BICRA: variants seen among roughly 807,000 people sequenced by gnomAD.
The protein encoded by BICRA is BRD4 interacting chromatin remodeling complex associated protein.
In BICRA, 31 loss-of-function variants were observed where a neutral mutation model predicts 96.9. The observed-to-expected ratio is 0.32, with a 90% CI of 0.24 to 0.43. The LOEUF is 0.43. Ranked by LOEUF, BICRA falls within the 20% of genes least tolerant of loss-of-function variation. BICRA has a pLI of 1.00. For synonymous variants in BICRA, 1,350 were observed against 1,071.8 expected (o/e 1.26, Z -5.07); for missense variants, 2,283 against 2,190.3 (o/e 1.04, Z -0.84).
intron 7 of BICRA, among the ~76,000 whole-genome samples, chr19:47,689,535 CG>C (rs1472337919): frequency 1.3e-5 from 2 of 152,120 alleles, no homozygotes; most frequent in Non-Finnish European, 2.9e-5. Flanking sequence ...CCTCAGCCTC[CG>C]GAGTAGCTGG....
Position 47,665,805 on chromosome 19 carries a change from G to A in BICRA, c.-107-4638G>A, listed in dbSNP as rs116823827. Among the ~76,000 whole-genome samples, 961 of 152,320 alleles carry A rather than the reference G, an allele frequency of 6.3e-3. 6 individuals are homozygous for A. The highest frequency in any genetic ancestry group is 0.022 in the African/African-American group (897 of 41,564). On this transcript the variant is annotated intron_variant, in intron 1 of 14. Transcript: ENST00000594866. ...TTGCGTTTATCTCATCTGGAAAATG[G>A]GGGTAATACCAGGGTGTTTGGAAGG...
At chr19:47,655,677 A>G (rs1972605581) in intron 1 of BICRA, among the ~76,000 whole-genome samples, 1 of 150,258 alleles carries the variant, frequency 6.7e-6, no homozygotes, top group Non-Finnish European at 1.5e-5. Context: ...ACACGGTGAA[A>G]CCCCATCTCT....
At position 47,698,108 on chromosome 19, in the gene BICRA, C is replaced by T. The variant is rs1485941056; in HGVS notation, c.3249-526C>T. Among the ~76,000 whole-genome samples the T allele has an allele frequency of 6.6e-6, 1 of 152,230 alleles. No individual in the cohort carries two copies. The highest frequency in any genetic ancestry group is 1.5e-5 in the Non-Finnish European group (1 of 68,046). On this transcript the variant is annotated intron_variant, in intron 11 of 14. Transcript: ENST00000594866. The surrounding 1 kb of genome is among the most constrained non-coding windows in gnomAD (Gnocchi z 4.8). ...TCCCTGCCCCCACAGTGCAGAGAGG[C>T]TGCTGGTTTTTAGCCGAGGGTGGAG...
chr19:47,647,517 G>A (rs577162850), intron 1 of BICRA, among the ~76,000 whole-genome samples: 7 of 152,070 alleles, frequency 4.6e-5, no homozygotes, highest in South Asian at 4.2e-4. Flanking sequence ...TGTGTTTTGC[G>A]GTCCACCTCT....
At position 47,696,789 on chromosome 19, in the gene BICRA, T is replaced by C. The variant is rs1165832246; in HGVS notation, c.3248+277T>C. Among the ~76,000 whole-genome samples the C allele has an allele frequency of 5.3e-5, 8 of 151,954 alleles. No individual in the cohort carries two copies. In the South Asian group the frequency reaches 8.3e-4, roughly 16 times the overall value. On this transcript the variant is annotated intron_variant, in intron 11 of 14. Transcript: ENST00000594866. ...ATCCTGGTTGTTGCTGTGCCCTCCA[T>C]GTCTCCCACACGGCTGGGCCGCGTC... is the stretch of plus-strand genomic sequence containing the variant.
chr19:47,676,284 C>T (rs1290749925), intron 5 of BICRA, among the ~76,000 whole-genome samples: 1 of 151,984 alleles, frequency 6.6e-6, no homozygotes, highest in East Asian at 1.9e-4. Context: ...CTGGGGGAGG[C>T]CTGGGGTCCT....
In BICRA at chr19:47,695,153, A is replaced by G. The variant is rs1010545515; in HGVS notation, c.3076+73A>G. ...GGGTGGGCGGGGCTGAGCAGGGAGA[A>G]TGGGCTGGGGCAGGGCTGTGGGACT... On this transcript the variant is annotated intron_variant, in intron 9 of 14. Transcript: ENST00000594866. 5.9e-6 allele frequency: 6 copies of G among 1,019,936 alleles called. No homozygotes were observed. The East Asian group carries it at 1.3e-4, about 22-fold the overall frequency. The allele number at this position is 1,019,936 out of a possible 1,614,324, so 63.2% of individuals were successfully genotyped here.
chr19:47,644,239 A>G (rs1295186562), intron 1 of BICRA, among the ~76,000 whole-genome samples: 2 of 151,892 alleles, frequency 1.3e-5, no homozygotes, highest in South Asian at 2.1e-4. Flanking sequence ...GTTGGTCTCA[A>G]ACTCTTAGCC....
intron 1 of BICRA, among the ~76,000 whole-genome samples, chr19:47,635,241 T>C (rs1300372839): frequency 6.7e-6 from 1 of 149,448 alleles, no homozygotes; most frequent in East Asian, 2.0e-4. Context: ...CTACTGTCCA[T>C]TTCTAGGATT....
At chr19:47,697,322 G>T (rs1220721887) in intron 11 of BICRA, among the ~76,000 whole-genome samples, 1 of 151,562 alleles carries the variant, frequency 6.6e-6, no homozygotes, top group African/African-American at 2.4e-5. Flanking sequence ...AAGTCCGGGG[G>T]GCAGAGGTTG....
Position 47,682,136 on chromosome 19 carries a change from C to A in BICRA, c.2267C>A (p.Pro756Gln). 2 of 1,473,612 alleles carry A rather than the reference C, an allele frequency of 1.4e-6. No homozygotes were observed. Among genetic ancestry groups the A allele is most frequent in the Non-Finnish European group, 9.2e-7 (1 of 1,086,514 alleles). 91.3% of individuals were successfully genotyped at this position (1,473,612 alleles called of 1,614,324 possible). The part of the protein sequence containing the change: ...GPQAPDSQAS[P>Q]APAPQIPAAA... ...CAGGCCCCCGACAGCCAGGCTTCCCCGGCTCCGGCCCCCCAGGTAGAGGGA... is the reference window on the plus strand; with the variant it reads ...CAGGCCCCCGACAGCCAGGCTTCCCAGGCTCCGGCCCCCCAGGTAGAGGGA... The change falls in exon 7 of 15, where the codon CCG becomes CAG. Residue 756 changes from proline (P) to glutamine (Q), a missense_variant. Physicochemically the swap from Pro to Gln is moderately conservative, Grantham distance 76. Coordinates refer to ENST00000594866, the MANE Select transcript of BICRA (RefSeq NM_001394372.1).
At chr19:47,648,562 C>CTGGTGTG (rs1438250900) in intron 1 of BICRA, among the ~76,000 whole-genome samples, 2 of 151,602 alleles carry the variant, frequency 1.3e-5, no homozygotes, top group African/African-American at 4.8e-5. Flanking sequence ...ACAGACGGCC[C>CTGGTGTG]TGGTGACACT....
At chr19:47,648,682 T>C (rs1972498975) in intron 1 of BICRA, among the ~76,000 whole-genome samples, 1 of 149,644 alleles carries the variant, frequency 6.7e-6, no homozygotes, top group African/African-American at 2.5e-5. Context: ...TTTTTTTGTT[T>C]GTTTTTTTTT....
At chr19:47,611,610 G>A (rs1467865665) in intron 1 of BICRA, among the ~76,000 whole-genome samples, 3 of 152,180 alleles carry the variant, frequency 2.0e-5, no homozygotes, top group Non-Finnish European at 4.4e-5. Context: ...ACCCGCTGTC[G>A]CTTTGCCACA....
At chr19:47,622,052 T>C (rs1972072656) in intron 1 of BICRA, among the ~76,000 whole-genome samples, 1 of 150,984 alleles carries the variant, frequency 6.6e-6, no homozygotes, top group Admixed American at 6.6e-5. Context: ...CTGCAACCTC[T>C]ACCTCCCGGG....
chr19:47,700,587 A>G (rs1163373574), intron 14 of BICRA: 1 of 152,154 alleles, frequency 6.6e-6, no homozygotes. Flanking sequence ...TGTGGTCAGG[A>G]GTGTGAGACC....
chr19:47,667,257 C>T (rs558847535), intron 1 of BICRA, among the ~76,000 whole-genome samples: 10 of 152,286 alleles, frequency 6.6e-5, no homozygotes, highest in East Asian at 5.8e-4. Context: ...CCTTGTGATC[C>T]GCCCGCCTTG....
intron 7 of BICRA, among the ~76,000 whole-genome samples, chr19:47,685,391 C>T (rs549671464): frequency 3.3e-5 from 5 of 152,240 alleles, no homozygotes; most frequent in South Asian, 2.1e-4. Flanking sequence ...TAGGGCCCTC[C>T]GCAGTAGCTG....
chr19:47,652,359 A>T lies in BICRA; in HGVS notation c.-107-18084A>T, dbSNP rs570268958. The stretch of plus-strand genomic sequence containing the variant: ...TGCCACCACACCCAGCTATTTTTTT[A>T]AAAAATTTTTTAGAGAACAGGGTCT... On this transcript the variant is annotated intron_variant, in intron 1 of 14. Transcript: ENST00000594866. 2.5e-4 allele frequency among the ~76,000 whole-genome samples: 38 copies of T among 152,140 alleles called. No homozygotes were observed. In the South Asian group the frequency reaches 7.1e-3, roughly 28 times the overall value.
Sources: gnomAD v4.1 joint callset for allele counts (sites outside exome capture counted in the v4.1 genomes callset) on GRCh38, gnomAD v4.1.1 for gene constraint, Gnocchi (gnomAD v3.1) non-coding constraint, MANE v1.5 for transcripts, NCBI Gene and HGNC (gene_info 2026-07-23, HGNC 2026-07-21) for gene names.